NPRL3: variants seen among roughly 807,000 people sequenced by gnomAD.
The protein encoded by NPRL3 is GATOR1 complex protein NPRL3.
In NPRL3, 23 loss-of-function variants were observed where a neutral mutation model predicts 57.2. That is an observed-to-expected ratio of 0.40 (90% CI 0.29 to 0.57). The LOEUF (loss-of-function observed/expected upper bound fraction) is 0.57, where lower values mean the gene tolerates loss of function less well. NPRL3 is among the 20% of genes least tolerant of loss of function. NPRL3 has a pLI of 0.42. For missense variants in NPRL3, 691 were observed against 767.1 expected, an observed-to-expected ratio of 0.90 and a Z score of 1.17; for synonymous variants, 333 against 321.1, an observed-to-expected ratio of 1.04 and a Z score of -0.39.
At chr16:101,890 C>T (rs1341337901) in intron 7 of NPRL3, among the ~76,000 whole-genome samples, 5 of 152,220 alleles carry the variant, frequency 3.3e-5, no homozygotes, top group African/African-American at 4.8e-5. Context: ...TGACCCCAGC[C>T]CCATTGACAC....
intron 3 of NPRL3, among the ~76,000 whole-genome samples, chr16:127,770 T>G (rs1463070125): frequency 6.6e-6 from 1 of 151,182 alleles, no homozygotes. Flanking sequence ...TTCTCCTGCC[T>G]CAGCCTCCCA....
chr16:117,492 A>G (rs1900093927), intron 4 of NPRL3, 117 bp from the exon 5 acceptor site: 1 of 679,494 alleles, frequency 1.5e-6, no homozygotes, highest in South Asian at 2.0e-5. Flanking sequence ...GGTCTTGGAA[A>G]AGCAATGAAT....
At chr16:86,931 A>G in intron 13 of NPRL3, 61 bp from the exon 14 acceptor site, 1 of 1,518,808 alleles carries the variant, frequency 6.6e-7, no homozygotes, top group African/African-American at 1.4e-5. Context: ...CCTCTGCTGA[A>G]GAGCCACTGC....
At chr16:97,368 C>G (rs1422313871) in intron 9 of NPRL3, among the ~76,000 whole-genome samples, 2 of 152,106 alleles carry the variant, frequency 1.3e-5, no homozygotes, top group African/African-American at 2.4e-5. Flanking sequence ...CCTCATACCC[C>G]CAAGTAGCTG....
intron 7 of NPRL3, among the ~76,000 whole-genome samples, chr16:104,242 G>A (rs1250787427): frequency 6.6e-6 from 1 of 152,096 alleles, no homozygotes; most frequent in Non-Finnish European, 1.5e-5. Context: ...GCAGTGAGCC[G>A]AGATCGCGCC....
intron 2 of NPRL3, among the ~76,000 whole-genome samples, chr16:133,527 GCGT>G (rs1900912708): frequency 5.4e-5 from 6 of 111,484 alleles, no homozygotes; most frequent in South Asian, 3.0e-4. Flanking sequence ...ACTGTGCCTA[GCGT>G]TGTTTGTTTG....
At chr16:117,590 C>T (rs1340691820) in intron 4 of NPRL3, among the ~76,000 whole-genome samples, 1 of 152,212 alleles carries the variant, frequency 6.6e-6, no homozygotes, top group Non-Finnish European at 1.5e-5. Context: ...CCCCTCGCCC[C>T]CCCGCTAACA....
rs114042016 is a variant in NPRL3 at position 89,619 on chromosome 16, C to T, written c.1351+94G>A. 1,192 of 1,203,066 alleles carry T rather than the reference C, an allele frequency of 9.9e-4. 5 individuals are homozygous for T. In the African/African-American group the frequency reaches 0.015, roughly 16 times the overall value. The allele number at this position is 1,203,066 out of a possible 1,614,324, so 74.5% of individuals were successfully genotyped here. ...GTGCGTGTGCAGCTGTGTGGAGGCC[C>T]CTCATCACTCACAGCACCACCCACG... is the stretch of plus-strand genomic sequence containing the variant. On this transcript the variant is annotated intron_variant, in intron 12 of 13. Transcript: ENST00000611875.
At chr16:123,473 A>C (rs1406552040) in intron 3 of NPRL3, 1 of 470,658 alleles carries the variant, frequency 2.1e-6, no homozygotes. Context: ...GCCGGAATCA[A>C]GACAGAAAGA....
chr16:111,293 G>A (rs995063960), intron 6 of NPRL3, among the ~76,000 whole-genome samples: 5 of 151,938 alleles, frequency 3.3e-5, no homozygotes, highest in African/African-American at 4.8e-5. Context: ...CCAGCTACTC[G>A]GGAGGCTGAG....
chr16:87,806 G>A lies in NPRL3; in HGVS notation c.1544+892C>T, dbSNP rs556525299. Among the ~76,000 whole-genome samples the A allele has an allele frequency of 1.2e-4, 18 of 149,694 alleles. No individual in the cohort carries two copies. The East Asian group carries it at 1.8e-3, about 15-fold the overall frequency. ...AGGATGATCTCGATCTCCTGACCTC[G>A]TGATCCACCCACCTCAGCCTCCCAA... On this transcript the variant is annotated intron_variant, in intron 13 of 13. Coordinates refer to ENST00000611875, the MANE Select transcript of NPRL3 (RefSeq NM_001077350.3).
chr16:94,531 C>T (rs970967054), intron 9 of NPRL3, among the ~76,000 whole-genome samples: 2 of 152,158 alleles, frequency 1.3e-5, no homozygotes, highest in Non-Finnish European at 2.9e-5. Flanking sequence ...GGAGGATCGC[C>T]TGAACCTCGG....
At chr16:119,714 G>T (rs1024124299) in intron 3 of NPRL3, among the ~76,000 whole-genome samples, 3 of 152,208 alleles carry the variant, frequency 2.0e-5, no homozygotes, top group African/African-American at 2.4e-5. Context: ...CCAAAGAGCC[G>T]CGTGGAGGGC....
chr16:99,288 G>A (rs963020872), intron 8 of NPRL3, among the ~76,000 whole-genome samples: 5 of 152,292 alleles, frequency 3.3e-5, no homozygotes, highest in East Asian at 3.9e-4. Flanking sequence ...AAATGTTCAA[G>A]GTATTGGGGG....
intron 3 of NPRL3, among the ~76,000 whole-genome samples, chr16:123,763 C>T (rs374020280): frequency 1.3e-5 from 2 of 150,486 alleles, no homozygotes; most frequent in Admixed American, 6.6e-5. Context: ...ACACTCCCCA[C>T]GCTGAGAAAC....
chr16:93,008 G>T (rs1370112050), intron 10 of NPRL3: 10 of 616,406 alleles, frequency 1.6e-5, no homozygotes, highest in Non-Finnish European at 2.6e-5. Context: ...AGGCATATGG[G>T]GGACACAGGA....
chr16:125,492 G>A (rs914481495), intron 3 of NPRL3, among the ~76,000 whole-genome samples: 4 of 152,186 alleles, frequency 2.6e-5, no homozygotes, highest in Non-Finnish European at 4.4e-5. Flanking sequence ...GCCCCTCTGA[G>A]GGAGGCAGGG....
chr16:99,681 G>A (rs1481195068), intron 8 of NPRL3, among the ~76,000 whole-genome samples: 1 of 150,868 alleles, frequency 6.6e-6, no homozygotes, highest in Non-Finnish European at 1.5e-5. Flanking sequence ...AGTATATTTT[G>A]GGAGGCTGAG....
At chr16:136,564 T>C (rs1290346105) in intron 2 of NPRL3, among the ~76,000 whole-genome samples, 2 of 151,462 alleles carry the variant, frequency 1.3e-5, no homozygotes, top group East Asian at 1.9e-4. Context: ...TGGTGGCGCA[T>C]GCCTGTAGTC....
Sources: gnomAD v4.1 joint callset for allele counts (sites outside exome capture counted in the v4.1 genomes callset) on GRCh38, gnomAD v4.1.1 for gene constraint, MANE v1.5 for transcripts, NCBI Gene and HGNC (gene_info 2026-07-23, HGNC 2026-07-21) for gene names.